Variants in FHIT observed in about 807,000 individuals in gnomAD.
FHIT encodes fragile histidine triad diadenosine triphosphatase.
Under a neutral mutation model 17.9 loss-of-function variants are expected in FHIT, and 19 were observed. That is an observed-to-expected ratio of 1.06 (90% CI 0.74 to 1.56). The LOEUF is 1.56. FHIT is among the 40% of genes most tolerant of loss of function. The pLI is 0.00. For synonymous variants in FHIT, 81 were observed against 69.7 expected (o/e 1.16, Z -0.81); for missense variants, 248 against 189.2 (o/e 1.31, Z -1.82).
intron 5 of FHIT, among the ~76,000 whole-genome samples, chr3:60,367,903 G>T (rs1483881621): frequency 6.6e-6 from 1 of 152,094 alleles, no homozygotes; most frequent in Admixed American, 6.6e-5. Flanking sequence ...TCAATATAAA[G>T]TATGTACACT....
intron 8 of FHIT, among the ~76,000 whole-genome samples, chr3:59,790,820 A>G (rs1415051707): frequency 6.6e-6 from 1 of 152,164 alleles, no homozygotes; most frequent in Admixed American, 6.6e-5. Context: ...CAGCACTAAC[A>G]TAGTCCCTGC....
chr3:59,988,876 A>G (rs1251709445), intron 7 of FHIT, among the ~76,000 whole-genome samples: 1 of 152,086 alleles, frequency 6.6e-6, no homozygotes, highest in African/African-American at 2.4e-5. Context: ...AAAGCTCTGA[A>G]AGTAAAGGAC....
chr3:60,077,738 A>AGG (rs138544854), intron 5 of FHIT, among the ~76,000 whole-genome samples: 10 of 122,614 alleles, frequency 8.2e-5, no homozygotes, highest in African/African-American at 3.4e-4. Context: ...ACATATATAG[A>AGG]GGGGGGGGGG....
At chr3:60,428,733 A>G (rs546161242) in intron 5 of FHIT, among the ~76,000 whole-genome samples, 22 of 152,248 alleles carry the variant, frequency 1.4e-4, no homozygotes, top group Middle Eastern at 3.4e-3. Context: ...CCAGCAGGCT[A>G]AGGTTACTCT....
intron 2 of FHIT, among the ~76,000 whole-genome samples, chr3:61,046,912 C>T (rs1464916964): frequency 1.1e-4 from 17 of 152,060 alleles, no homozygotes; most frequent in South Asian, 6.2e-4. Flanking sequence ...TCTGACTAGA[C>T]GCAGAAAAAG....
chr3:60,921,082 C>A (rs782006732), intron 3 of FHIT, among the ~76,000 whole-genome samples: 2 of 152,008 alleles, frequency 1.3e-5, no homozygotes, highest in African/African-American at 4.8e-5. Context: ...AGATAGGGGA[C>A]GGAGGAGAAA....
rs566262072 is a variant in FHIT at position 61,136,228 on chromosome 3, C to T, written c.-164+64389G>A. On this transcript the variant is annotated intron_variant, in intron 2 of 9. Transcript: ENST00000492590. ...CACCACCACCGTCACCACGCCCCCA[C>T]CCCCCTCACCCGACCCACCCGCCAC... 7.9e-5 allele frequency among the ~76,000 whole-genome samples: 12 copies of T among 151,576 alleles called. No individual in the cohort carries two copies. In the East Asian group the frequency reaches 1.8e-3, roughly 22 times the overall value.
At chr3:59,859,173 G>A (rs1421019247) in intron 8 of FHIT, among the ~76,000 whole-genome samples, 2 of 152,136 alleles carry the variant, frequency 1.3e-5, no homozygotes, top group Admixed American at 1.3e-4. Context: ...GAATGATGGG[G>A]AGATCTGGCA....
intron 5 of FHIT, among the ~76,000 whole-genome samples, chr3:60,217,777 T>G (rs1703766198): frequency 6.6e-6 from 1 of 152,200 alleles, no homozygotes; most frequent in South Asian, 2.1e-4. Flanking sequence ...CTTTTCTCTT[T>G]GCCTGGCTCC....
At chr3:61,212,260 T>C (rs1269338423) in intron 1 of FHIT, among the ~76,000 whole-genome samples, 1 of 151,824 alleles carries the variant, frequency 6.6e-6, no homozygotes, top group Admixed American at 6.6e-5. Flanking sequence ...TTGAAAAAAA[T>C]TTAGACGATT....
At chr3:60,140,040 A>G (rs1442169619) in intron 5 of FHIT, among the ~76,000 whole-genome samples, 3 of 152,046 alleles carry the variant, frequency 2.0e-5, no homozygotes, top group African/African-American at 7.2e-5. Context: ...AGAATTGCTT[A>G]AACCTGAGAG....
intron 5 of FHIT, among the ~76,000 whole-genome samples, chr3:60,527,368 C>T (rs889023157): frequency 1.3e-5 from 2 of 152,184 alleles, no homozygotes; most frequent in African/African-American, 4.8e-5. Flanking sequence ...GGTATCATGG[C>T]TAACTTTTAA....
intron 2 of FHIT, among the ~76,000 whole-genome samples, chr3:61,092,418 T>C (rs2035513587): frequency 6.6e-6 from 1 of 152,142 alleles, no homozygotes; most frequent in African/African-American, 2.4e-5. Context: ...TTAATACATG[T>C]TTTTAATTTT....
chr3:61,206,349 G>T (rs2039229770), intron 1 of FHIT, among the ~76,000 whole-genome samples: 1 of 136,276 alleles, frequency 7.3e-6, no homozygotes, highest in African/African-American at 2.7e-5. Context: ...TTCCAATTCT[G>T]TGAAGAAAGT....
rs374688077 is a variant in FHIT, at chr3:61,091,450, A to G, written c.-163-49351T>C. 1.1e-3 allele frequency among the ~76,000 whole-genome samples: 160 copies of G among 152,322 alleles called. 1 individual carries two copies. The highest frequency in any genetic ancestry group is 3.6e-3 in the African/African-American group (150 of 41,578). ...TAAGATTAAATTAGATAATCAATCTATGTCAGCTGCTGTTACTATTGTTGT... is the reference window on the plus strand; with the variant it reads ...TAAGATTAAATTAGATAATCAATCTGTGTCAGCTGCTGTTACTATTGTTGT... On this transcript the variant is annotated intron_variant, in intron 2 of 9. Transcript: ENST00000492590.
chr3:60,644,475 G>A (rs2039805099), intron 4 of FHIT, among the ~76,000 whole-genome samples: 1 of 152,076 alleles, frequency 6.6e-6, no homozygotes, highest in Non-Finnish European at 1.5e-5. Flanking sequence ...TGAATACATA[G>A]GTATGTACCT....
chr3:60,646,379 TG>T (rs1342839195), intron 4 of FHIT, among the ~76,000 whole-genome samples: 3 of 152,156 alleles, frequency 2.0e-5, no homozygotes, highest in African/African-American at 7.2e-5. Flanking sequence ...AAAACAACCG[TG>T]TAATTTGCCT....
chr3:60,266,312 G>A (rs1391426805), intron 5 of FHIT, among the ~76,000 whole-genome samples: 1 of 152,032 alleles, frequency 6.6e-6, no homozygotes, highest in Non-Finnish European at 1.5e-5. Flanking sequence ...CCACAACTGT[G>A]TGATTTCATT....
At chr3:61,002,821 A>T (rs1327094017) in intron 3 of FHIT, among the ~76,000 whole-genome samples, 1 of 151,960 alleles carries the variant, frequency 6.6e-6, no homozygotes, top group South Asian at 2.1e-4. Context: ...AGATGCCCAC[A>T]CCTCCATTAA....
Sources: gnomAD v4.1 joint callset for allele counts (sites outside exome capture counted in the v4.1 genomes callset) on GRCh38, gnomAD v4.1.1 for gene constraint, MANE v1.5 for transcripts, NCBI Gene and HGNC (gene_info 2026-07-23, HGNC 2026-07-21) for gene names.